Variants in NEK9 observed in about 807,000 individuals in gnomAD.
NEK9 encodes the protein serine/threonine-protein kinase Nek9.
A neutral mutation model predicts 123.4 loss-of-function variants in NEK9; 75 were observed. The ratio of observed to expected loss-of-function variants is 0.61; its 90% CI spans 0.50 to 0.74. The LOEUF (loss-of-function observed/expected upper bound fraction) is 0.74. Ranked by LOEUF, NEK9 falls within the 30% of genes least tolerant of loss-of-function variation. NEK9 has a pLI of 0.00. For synonymous variants in NEK9, 438 were observed against 458.7 expected (o/e 0.95, Z 0.58); for missense variants, 952 against 1,214.4 (o/e 0.78, Z 3.21).
At chr14:75,092,200 G>T (rs865892219) in intron 18 of NEK9, among the ~76,000 whole-genome samples, 1 of 151,762 alleles carries the variant, frequency 6.6e-6, no homozygotes, top group Non-Finnish European at 1.5e-5. Context: ...GGCTGGTCTC[G>T]AACTCAGGTG....
At chr14:75,120,933 C>T (rs781481413) in intron 3 of NEK9, 186 bp downstream of exon 3, 32 of 679,054 alleles carry the variant, frequency 4.7e-5, no homozygotes, top group East Asian at 1.6e-4. Flanking sequence ...GGAGGTAAAA[C>T]GTTTAGGAAG....
At position 75,126,684 on chromosome 14, in the gene NEK9, C is replaced by G; in HGVS notation, c.219+19G>C. Reference sequence around the variant, plus strand: ...ACCCGACAGCGCCAGACAGGGCGGCCGGCGCCGAGGGCCGCTACCTCGGTG... The same window carrying G: ...ACCCGACAGCGCCAGACAGGGCGGCGGGCGCCGAGGGCCGCTACCTCGGTG... On this transcript the variant is annotated intron_variant, in intron 1 of 21. Coordinates refer to ENST00000238616, the MANE Select transcript of NEK9 (RefSeq NM_033116.6). The G allele has an allele frequency of 7.2e-7, 1 of 1,395,566 alleles. No individual in the cohort carries two copies. The highest frequency in any genetic ancestry group is 9.3e-7 in the Non-Finnish European group (1 of 1,077,692). The allele number at this position is 1,395,566 out of a possible 1,614,324, so 86.4% of individuals were successfully genotyped here.
Position 75,118,902 on chromosome 14 carries a change from C to T in NEK9, c.558G>A (p.Lys186=), listed in dbSNP as rs1217204557. The T allele has an allele frequency of 6.2e-7, 1 of 1,606,516 alleles. No individual in the cohort carries two copies. The highest frequency in any genetic ancestry group is 1.3e-5 in the African/African-American group (1 of 74,830). The part of the protein sequence containing the change: ...DIKTLNIFLT[K]ANLIKLGDYG... Reference sequence around the variant, plus strand: ...AATCTCCAAGTTTTATCAGGTTTGCCTTGGTCAGAAAAATATTTAATGTCT... The same window carrying T: ...AATCTCCAAGTTTTATCAGGTTTGCTTTGGTCAGAAAAATATTTAATGTCT... The change falls in exon 5 of 22, where the codon AAG becomes AAA. Residue 186 remains lysine, a synonymous_variant. Transcript: ENST00000238616.
rs542787081 is a variant in NEK9, at chr14:75,083,383, G to A, written c.*1181C>T. ...TTGTTTCTATCTACAAAGACACAGT[G>A]AGTACAGGATTAGAAGTGAGCTCTC... On this transcript the variant is annotated 3_prime_UTR_variant, in exon 22 of 22. Coordinates refer to ENST00000238616, the MANE Select transcript of NEK9 (RefSeq NM_033116.6). 3.5e-6 allele frequency: 1 copy of A among 288,012 alleles called. No homozygotes were observed. The highest frequency in any genetic ancestry group is 1.7e-4 in the South Asian group (1 of 5,996). 17.8% of individuals were successfully genotyped at this position (288,012 alleles called of 1,614,324 possible). A position where few individuals can be genotyped will look rare whatever the true frequency, so the allele number is the denominator to read the frequency against.
intron 10 of NEK9, among the ~76,000 whole-genome samples, chr14:75,108,666 T>A (rs1355339089): frequency 6.6e-6 from 1 of 151,978 alleles, no homozygotes; most frequent in Non-Finnish European, 1.5e-5. Context: ...GTGATTCTCA[T>A]GCCTCAGCCT....
intron 10 of NEK9, among the ~76,000 whole-genome samples, chr14:75,109,039 T>G (rs1245477640): frequency 6.6e-6 from 1 of 152,182 alleles, no homozygotes; most frequent in Non-Finnish European, 1.5e-5. Context: ...AGGTAAGGAC[T>G]AAAAAGCATC....
chr14:75,100,809 C>A (rs942934131), intron 16 of NEK9, among the ~76,000 whole-genome samples, 183 bp downstream of exon 16: 1 of 152,172 alleles, frequency 6.6e-6, no homozygotes, highest in African/African-American at 2.4e-5. Context: ...TAAAAACAAT[C>A]ACTATGTTGA....
At chr14:75,107,169 C>A (rs1037896875) in intron 11 of NEK9, among the ~76,000 whole-genome samples, 174 bp downstream of exon 11, 13 of 152,030 alleles carry the variant, frequency 8.6e-5, no homozygotes, top group African/African-American at 2.7e-4. Flanking sequence ...TTGCTCACCA[C>A]CCCCTAATAC....
rs913616037 is a variant in NEK9, at chr14:75,101,223, C to T, written c.1841-70G>A. ...GGAACCCAGAGAAGATGCAGCCAAG[C>T]AGACTTCATGGATTAGCTTCCGGTT... On this transcript the variant is annotated intron_variant, in intron 15 of 21. Coordinates refer to ENST00000238616, the MANE Select transcript of NEK9 (RefSeq NM_033116.6). The T allele has an allele frequency of 1.0e-5, 15 of 1,481,614 alleles. No individual in the cohort carries two copies. In the Admixed American group the frequency reaches 3.3e-4, roughly 32 times the overall value. The allele number at this position is 1,481,614 out of a possible 1,614,324, so 91.8% of individuals were successfully genotyped here.
chr14:75,090,143 T>G (rs577935307), intron 19 of NEK9, among the ~76,000 whole-genome samples: 117 of 152,020 alleles, frequency 7.7e-4, no homozygotes, highest in Non-Finnish European at 1.4e-3. Flanking sequence ...CTGGCCTTAT[T>G]TTTTTTTAAA....
rs760885385 is a variant in NEK9 at position 75,106,664 on chromosome 14, CATA to C, written c.1363_1365del (p.Tyr455del). The C allele has an allele frequency of 2.5e-6, 4 of 1,614,002 alleles. No individual in the cohort carries two copies. The highest frequency in any genetic ancestry group is 3.4e-6 in the Non-Finnish European group (4 of 1,180,026). ...GCAACTTTGTCCACCCCCATGCAGC[CATA>C]ATAATCTGATCCGAAGGCATAGAGC... On this transcript the variant is annotated inframe_deletion, in exon 12 of 22. Transcript: ENST00000238616.
At chr14:75,125,223 A>G (rs1895482791) in intron 1 of NEK9, among the ~76,000 whole-genome samples, 1 of 151,802 alleles carries the variant, frequency 6.6e-6, no homozygotes. Context: ...TAATTTTTAG[A>G]CCCCATACAC....
intron 14 of NEK9, among the ~76,000 whole-genome samples, chr14:75,102,405 T>C (rs994531697): frequency 5.9e-5 from 9 of 152,166 alleles, no homozygotes; most frequent in African/African-American, 2.2e-4. Context: ...TGGAGTGCAG[T>C]GGCGCGGTCT....
At chr14:75,108,229 AT>A (rs1455492538) in intron 10 of NEK9, among the ~76,000 whole-genome samples, 3 of 151,326 alleles carry the variant, frequency 2.0e-5, no homozygotes, top group Admixed American at 6.6e-5. Flanking sequence ...GGTTCAAGCG[AT>A]TCTCCTGCCT....
At chr14:75,089,898 C>G (rs1894155640) in intron 19 of NEK9, among the ~76,000 whole-genome samples, 1 of 152,066 alleles carries the variant, frequency 6.6e-6, no homozygotes, top group Admixed American at 6.5e-5. Context: ...GGGGTTTCAC[C>G]ATGTTGGCCA....
At chr14:75,121,750 C>T (rs1406377378) in intron 2 of NEK9, among the ~76,000 whole-genome samples, 1 of 152,108 alleles carries the variant, frequency 6.6e-6, no homozygotes, top group Non-Finnish European at 1.5e-5. Flanking sequence ...AATCAGGAGG[C>T]TAAGGTGGGA....
chr14:75,126,285 C>A (rs376571983), intron 1 of NEK9, among the ~76,000 whole-genome samples: 163 of 152,174 alleles, frequency 1.1e-3, no homozygotes, highest in African/African-American at 3.7e-3. Flanking sequence ...CTCCTCCTCA[C>A]CCCGACCTTG....
rs1895460435 is a variant in NEK9 at position 75,124,736 on chromosome 14, C to CA, written c.220-514dup. On this transcript the variant is annotated intron_variant, in intron 1 of 21. Coordinates refer to ENST00000238616, the MANE Select transcript of NEK9 (RefSeq NM_033116.6). ...CTTTTGCAACTCTATAATCTCCTCT[C>CA]ATACTTTTATGTATCCTGTAGCTCC... Among the ~76,000 whole-genome samples, 4 of 151,252 alleles carry CA rather than the reference C, an allele frequency of 2.6e-5. No homozygotes were observed. In the South Asian group the frequency reaches 8.3e-4, roughly 32 times the overall value.
At chr14:75,091,878 T>G (rs1566641591) in intron 18 of NEK9, among the ~76,000 whole-genome samples, 1 of 152,220 alleles carries the variant, frequency 6.6e-6, no homozygotes, top group African/African-American at 2.4e-5. Flanking sequence ...TTATCTTATA[T>G]AAAAAGGTCT....
Sources: gnomAD v4.1 joint callset for allele counts (sites outside exome capture counted in the v4.1 genomes callset) on GRCh38, gnomAD v4.1.1 for gene constraint, MANE v1.5 for transcripts, NCBI Gene and HGNC (gene_info 2026-07-23, HGNC 2026-07-21) for gene names.